Variants in CTNND2 observed in about 807,000 individuals in gnomAD.
CTNND2 encodes catenin delta 2.
A neutral mutation model predicts 144.4 loss-of-function variants in CTNND2; 22 were observed. That is an observed-to-expected ratio of 0.15 (90% CI 0.11 to 0.22). CTNND2 has a LOEUF of 0.22. CTNND2 is among the 10% of genes least tolerant of loss of function. CTNND2 has a pLI of 1.00. For missense variants in CTNND2, 1,353 were observed against 1,618.8 expected, an observed-to-expected ratio of 0.84 and a Z score of 2.82; for synonymous variants, 751 against 695.6, an observed-to-expected ratio of 1.08 and a Z score of -1.25.
chr5:11,300,359 G>C (rs976991267), intron 9 of CTNND2, among the ~76,000 whole-genome samples: 5 of 152,160 alleles, frequency 3.3e-5, no homozygotes, highest in Admixed American at 1.3e-4. Context: ...AAACTATTCT[G>C]GTGGCCCTCT....
intron 7 of CTNND2, among the ~76,000 whole-genome samples, chr5:11,372,251 G>T (rs1253082685): frequency 6.6e-6 from 1 of 152,190 alleles, no homozygotes; most frequent in Non-Finnish European, 1.5e-5. Flanking sequence ...GTGTGTCCAT[G>T]TGATCTCATC....
intron 3 of CTNND2, among the ~76,000 whole-genome samples, chr5:11,465,390 G>A (rs1222905177): frequency 5.9e-5 from 9 of 151,918 alleles, no homozygotes; most frequent in Middle Eastern, 3.4e-3. Context: ...AATTATTGTG[G>A]ATAGAGATGC....
intron 1 of CTNND2, among the ~76,000 whole-genome samples, chr5:11,778,576 A>G (rs1191015738): frequency 1.3e-5 from 2 of 152,214 alleles, no homozygotes; most frequent in Non-Finnish European, 2.9e-5. Flanking sequence ...GTTGAGAGAT[A>G]TTCTACAATA....
intron 1 of CTNND2, among the ~76,000 whole-genome samples, chr5:11,832,518 C>T (rs1269020306): frequency 1.3e-5 from 2 of 152,068 alleles, no homozygotes; most frequent in Admixed American, 1.3e-4. Flanking sequence ...AAATACTTCA[C>T]CAAAGAAGAG....
intron 3 of CTNND2, among the ~76,000 whole-genome samples, chr5:11,537,831 C>T (rs1048837232): frequency 6.6e-6 from 1 of 152,110 alleles, no homozygotes; most frequent in African/African-American, 2.4e-5. Context: ...GAATAAAATA[C>T]CTATTCACAA....
chr5:11,522,212 A>C (rs1401520592), intron 3 of CTNND2, among the ~76,000 whole-genome samples: 1 of 152,238 alleles, frequency 6.6e-6, no homozygotes, highest in Non-Finnish European at 1.5e-5. Flanking sequence ...AAAGATTGTA[A>C]ATTTTCCATG....
At chr5:11,813,974 A>G (rs1792490211) in intron 1 of CTNND2, among the ~76,000 whole-genome samples, 1 of 152,206 alleles carries the variant, frequency 6.6e-6, no homozygotes, top group Admixed American at 6.5e-5. Context: ...GAGAAGCATA[A>G]TCTATTACAA....
chr5:11,890,506 T>C (rs769282074), intron 1 of CTNND2, among the ~76,000 whole-genome samples: 1 of 152,200 alleles, frequency 6.6e-6, no homozygotes, highest in Non-Finnish European at 1.5e-5. Flanking sequence ...TCTTCTGTCT[T>C]GTCTTCTCAT....
Position 11,170,569 on chromosome 5 carries a change from T to C in CTNND2, c.1976-10810A>G, listed in dbSNP as rs1270185892. Among the ~76,000 whole-genome samples, 4 of 151,584 alleles carry C rather than the reference T, an allele frequency of 2.6e-5. No homozygotes were observed. The East Asian group carries it at 5.8e-4, about 22-fold the overall frequency. ...CTGCCGACCTCTACTAAAACACACA[T>C]ACACACACATACACACACACATACA... On this transcript the variant is annotated intron_variant, in intron 11 of 21. Coordinates refer to ENST00000304623, the MANE Select transcript of CTNND2 (RefSeq NM_001332.4).
chr5:11,742,542 A>G (rs1788076653), intron 1 of CTNND2, among the ~76,000 whole-genome samples: 1 of 152,088 alleles, frequency 6.6e-6, no homozygotes, highest in Non-Finnish European at 1.5e-5. Flanking sequence ...ATGTTCTAAA[A>G]AACAAATGTT....
intron 8 of CTNND2, among the ~76,000 whole-genome samples, chr5:11,360,966 T>C (rs1349096922): frequency 6.6e-6 from 1 of 152,204 alleles, no homozygotes; most frequent in African/African-American, 2.4e-5. Context: ...TTTTTACCAA[T>C]GCAGTCAACG....
At chr5:11,658,027 CTT>C (rs1363478084) in intron 2 of CTNND2, among the ~76,000 whole-genome samples, 7 of 152,012 alleles carry the variant, frequency 4.6e-5, no homozygotes, top group Non-Finnish European at 1.0e-4. Flanking sequence ...CAGAAGAACA[CTT>C]TATTTTTATT....
chr5:11,360,093 C>A (rs997088869), intron 8 of CTNND2, among the ~76,000 whole-genome samples: 2 of 152,024 alleles, frequency 1.3e-5, no homozygotes, highest in Non-Finnish European at 2.9e-5. Flanking sequence ...GACAGTAGTG[C>A]GCATCTGAGT....
intron 2 of CTNND2, among the ~76,000 whole-genome samples, chr5:11,674,049 C>A (rs1275006247): frequency 6.6e-6 from 1 of 152,164 alleles, no homozygotes; most frequent in African/African-American, 2.4e-5. Context: ...AGAAAAAGTC[C>A]TTCTTAAATT....
intron 21 of CTNND2, among the ~76,000 whole-genome samples, chr5:10,979,363 C>G (rs551535391): frequency 2.0e-5 from 3 of 152,310 alleles, no homozygotes; most frequent in African/African-American, 7.2e-5. Flanking sequence ...TTTATTTAGT[C>G]ATTGGCTTCT....
At chr5:11,120,041 T>A (rs920854653) in intron 12 of CTNND2, among the ~76,000 whole-genome samples, 6 of 152,218 alleles carry the variant, frequency 3.9e-5, no homozygotes, top group African/African-American at 1.4e-4. Flanking sequence ...ATACTAATCT[T>A]AGCGTTTTTC....
chr5:11,625,916 G>A (rs1025551018), intron 2 of CTNND2, among the ~76,000 whole-genome samples: 4 of 152,114 alleles, frequency 2.6e-5, no homozygotes, highest in Non-Finnish European at 4.4e-5. Flanking sequence ...TAATGCCATC[G>A]GTGTTTGCTA....
chr5:11,014,596 C>T (rs571845399), intron 18 of CTNND2, among the ~76,000 whole-genome samples: 3 of 152,164 alleles, frequency 2.0e-5, no homozygotes, highest in East Asian at 3.9e-4. Flanking sequence ...TCAAAGGTTC[C>T]GATGATACAA....
chr5:11,644,774 T>C (rs1371060165), intron 2 of CTNND2, among the ~76,000 whole-genome samples: 3 of 152,056 alleles, frequency 2.0e-5, no homozygotes, highest in South Asian at 2.1e-4. Flanking sequence ...CTGCCCACTA[T>C]ATGGTCATAA....
Sources: allele counts gnomAD v4.1 joint callset (sites outside exome capture counted in the v4.1 genomes callset), GRCh38; gene constraint gnomAD v4.1.1; transcripts MANE v1.5; gene names NCBI Gene and HGNC (gene_info 2026-07-23, HGNC 2026-07-21).